Variants in CAMK2A observed in about 807,000 individuals in gnomAD.
CAMK2A encodes the protein calcium/calmodulin dependent protein kinase II alpha.
Under a neutral mutation model 79.2 loss-of-function variants are expected in CAMK2A, and 7 were observed. The observed-to-expected ratio is 0.09, with a 90% CI of 0.05 to 0.17. CAMK2A has a LOEUF of 0.17. Among genes scored for constraint, CAMK2A ranks in the 10% least tolerant of loss-of-function variants. CAMK2A has a pLI of 1.00. For missense variants in CAMK2A, 214 were observed against 646.4 expected (o/e 0.33, Z 7.25); for synonymous variants, 242 against 251.7 (o/e 0.96, Z 0.36).
chr5:150,222,699 A>C lies in CAMK2A; in HGVS notation c.*11T>G, dbSNP rs768232346. 1.2e-6 allele frequency: 2 copies of C among 1,613,912 alleles called. No individual in the cohort carries two copies. Among genetic ancestry groups the C allele is most frequent in the African/African-American group, 1.3e-5 (1 of 74,908 alleles). On this transcript the variant is annotated 3_prime_UTR_variant, in exon 19 of 19. Transcript: ENST00000671881. ...TGCGGCACAGCAACGCAGCGACCCC[A>C]GCCTGGTCCCTCAGCTGTAAGACAC...
intron 14 of CAMK2A, among the ~76,000 whole-genome samples, chr5:150,238,973 G>C (rs1014414728): frequency 1.3e-5 from 2 of 152,236 alleles, no homozygotes; most frequent in Non-Finnish European, 2.9e-5. Context: ...GCTGCAAAGA[G>C]AACCCTGGCC....
intron 7 of CAMK2A, among the ~76,000 whole-genome samples, chr5:150,252,438 T>C (rs1177293832): frequency 1.3e-5 from 2 of 152,160 alleles, no homozygotes; most frequent in African/African-American, 4.8e-5. Flanking sequence ...CAAGATGAAA[T>C]GCACCTGCCA....
intron 3 of CAMK2A, among the ~76,000 whole-genome samples, chr5:150,264,143 G>A (rs965317336): frequency 2.6e-5 from 4 of 152,194 alleles, no homozygotes; most frequent in Non-Finnish European, 2.9e-5. Context: ...AACTCAGAGA[G>A]TGTTAGAACT....
intron 16 of CAMK2A, 23 bp downstream of exon 16, chr5:150,231,282 C>A: frequency 6.8e-7 from 1 of 1,475,514 alleles, no homozygotes; most frequent in Non-Finnish European, 9.3e-7. Context: ...GCAGGACATG[C>A]AGAATGAGCC....
At chr5:150,287,976 T>TGTGTGC (rs1562212307) in intron 1 of CAMK2A, among the ~76,000 whole-genome samples, 1 of 148,480 alleles carries the variant, frequency 6.7e-6, no homozygotes, top group Non-Finnish European at 1.5e-5. Context: ...TGTGTGTGTG[T>TGTGTGC]GCAAGCAGCC....
chr5:150,259,696 C>T (rs1420941918), intron 3 of CAMK2A, among the ~76,000 whole-genome samples: 3 of 151,808 alleles, frequency 2.0e-5, no homozygotes, highest in East Asian at 1.9e-4. Flanking sequence ...AGGCCGGGCA[C>T]GGTGGCTCAT....
intron 16 of CAMK2A, 85 bp from the exon 17 acceptor site, chr5:150,228,371 T>C: frequency 1.1e-6 from 1 of 886,526 alleles, no homozygotes; most frequent in Non-Finnish European, 1.8e-6. Context: ...ATAGGAATGA[T>C]TGCACCTACC....
At chr5:150,228,875 A>G (rs1308401141) in intron 16 of CAMK2A, among the ~76,000 whole-genome samples, 2 of 152,220 alleles carry the variant, frequency 1.3e-5, no homozygotes, top group Non-Finnish European at 2.9e-5. Context: ...GAAAAATAGC[A>G]TTAGATGAGG....
At position 150,284,378 on chromosome 5, in the gene CAMK2A, A is replaced by G. The variant is rs1254494257; in HGVS notation, c.62+5186T>C. ...GTGTGTGAGCACGCATGCATCAGCA[A>G]CAGGATGCGAGTGTTGCACTCCGAG... On this transcript the variant is annotated intron_variant, in intron 1 of 18. Transcript: ENST00000671881. This position sits in a 1 kb window ranked among gnomAD's most constrained non-coding sequence, Gnocchi z 5.3. Among the ~76,000 whole-genome samples the G allele has an allele frequency of 6.6e-6, 1 of 152,186 alleles. No homozygotes were observed. The highest frequency in any genetic ancestry group is 1.5e-5 in the Non-Finnish European group (1 of 68,032).
chr5:150,249,423 A>G (rs1389855681), intron 11 of CAMK2A, among the ~76,000 whole-genome samples: 1 of 152,100 alleles, frequency 6.6e-6, no homozygotes, highest in Non-Finnish European at 1.5e-5. Flanking sequence ...ACGTTCAGTC[A>G]TGTCTCACCC....
At chr5:150,277,570 T>C (rs948606628) in intron 1 of CAMK2A, among the ~76,000 whole-genome samples, 2 of 152,208 alleles carry the variant, frequency 1.3e-5, no homozygotes, top group Non-Finnish European at 2.9e-5. Flanking sequence ...TTTGTGTAAA[T>C]TAGAGGCTCC....
intron 1 of CAMK2A, among the ~76,000 whole-genome samples, chr5:150,278,538 A>G (rs1757060015): frequency 6.6e-6 from 1 of 151,940 alleles, no homozygotes; most frequent in African/African-American, 2.4e-5. Flanking sequence ...GCTTGGGAAC[A>G]GGACAGGGCA....
chr5:150,264,719 C>T (rs979840788), intron 3 of CAMK2A, among the ~76,000 whole-genome samples: 3 of 151,786 alleles, frequency 2.0e-5, no homozygotes, highest in Admixed American at 6.6e-5. Flanking sequence ...ACAGCTTTTC[C>T]GGAGGCTGCC....
At chr5:150,269,732 G>A (rs1756658310) in intron 2 of CAMK2A, among the ~76,000 whole-genome samples, 1 of 152,152 alleles carries the variant, frequency 6.6e-6, no homozygotes, top group Non-Finnish European at 1.5e-5. Flanking sequence ...GGAGAGAAAA[G>A]AGACCTGAAG....
intron 14 of CAMK2A, among the ~76,000 whole-genome samples, chr5:150,239,500 G>A (rs886501149): frequency 2.0e-5 from 3 of 152,230 alleles, no homozygotes; most frequent in African/African-American, 7.2e-5. Flanking sequence ...CTGCTGGTCT[G>A]GGCCGTGGAG....
At chr5:150,270,711 T>C (rs1278648569) in intron 2 of CAMK2A, among the ~76,000 whole-genome samples, 1 of 151,316 alleles carries the variant, frequency 6.6e-6, no homozygotes, top group African/African-American at 2.4e-5. Context: ...TTCCAGAAGG[T>C]TCCCTGATAA....
intron 16 of CAMK2A, among the ~76,000 whole-genome samples, chr5:150,228,586 T>C (rs908486158): frequency 1.3e-5 from 2 of 152,216 alleles, no homozygotes; most frequent in Admixed American, 1.3e-4. Context: ...GGCTGTGCAG[T>C]GCACTAAAGG....
At chr5:150,267,134 C>T (rs1413563908) in intron 2 of CAMK2A, among the ~76,000 whole-genome samples, 1 of 152,222 alleles carries the variant, frequency 6.6e-6, no homozygotes, top group African/African-American at 2.4e-5. Context: ...TTCCTCCTCC[C>T]TCCGTGGGCT....
At chr5:150,231,780 A>T (rs952001919) in intron 15 of CAMK2A, among the ~76,000 whole-genome samples, 1 of 152,176 alleles carries the variant, frequency 6.6e-6, no homozygotes, top group Non-Finnish European at 1.5e-5. Context: ...TTGCTTTGCC[A>T]TGTAAATCAA....
Sources: gnomAD v4.1 joint callset for allele counts (sites outside exome capture counted in the v4.1 genomes callset) on GRCh38, gnomAD v4.1.1 for gene constraint, Gnocchi (gnomAD v3.1) non-coding constraint, MANE v1.5 for transcripts, NCBI Gene and HGNC (gene_info 2026-07-23, HGNC 2026-07-21) for gene names.